Variants in TOX observed in about 807,000 individuals in gnomAD.
TOX encodes the protein thymocyte selection-associated high mobility group box protein TOX.
In TOX, 11 loss-of-function variants were observed where a neutral mutation model predicts 53.7. The observed-to-expected ratio is 0.20, with a 90% CI of 0.13 to 0.34. The LOEUF is 0.34. Ranked by LOEUF, TOX falls within the 10% of genes least tolerant of loss-of-function variation. The pLI, the probability that TOX is intolerant of heterozygous loss-of-function variation, is 1.00. For missense variants in TOX, 570 were observed against 664.6 expected (o/e 0.86, Z 1.56); for synonymous variants, 225 against 245.3 (o/e 0.92, Z 0.77).
chr8:58,918,783 C>G (rs1252848823), intron 3 of TOX, among the ~76,000 whole-genome samples: 1 of 109,584 alleles, frequency 9.1e-6, no homozygotes, highest in African/African-American at 3.7e-5. Flanking sequence ...TTGCAGACGA[C>G]ATGATTGTTT....
At chr8:58,813,889 T>C (rs531427326) in intron 7 of TOX, among the ~76,000 whole-genome samples, 2 of 152,312 alleles carry the variant, frequency 1.3e-5, no homozygotes, top group African/African-American at 4.8e-5. Context: ...GTTAAGAGTC[T>C]ACAAGAACGA....
At chr8:58,826,161 G>A (rs1810361459) in intron 6 of TOX, among the ~76,000 whole-genome samples, 1 of 152,168 alleles carries the variant, frequency 6.6e-6, no homozygotes, top group African/African-American at 2.4e-5. Flanking sequence ...CAGAGCCCCA[G>A]ACCACAGTGA....
chr8:59,003,930 A>G (rs1813742136), intron 1 of TOX, among the ~76,000 whole-genome samples: 1 of 152,224 alleles, frequency 6.6e-6, no homozygotes, highest in African/African-American at 2.4e-5. Context: ...GTAAAATACA[A>G]GACCAAAAAG....
At chr8:59,011,486 C>A (rs1813903463) in intron 1 of TOX, among the ~76,000 whole-genome samples, 1 of 152,214 alleles carries the variant, frequency 6.6e-6, no homozygotes, top group South Asian at 2.1e-4. Context: ...GCCTCCTGAA[C>A]ATGGCAGTCT....
intron 3 of TOX, among the ~76,000 whole-genome samples, chr8:58,894,017 G>T (rs1236933606): frequency 6.6e-6 from 1 of 152,154 alleles, no homozygotes; most frequent in African/African-American, 2.4e-5. Flanking sequence ...TATAAAAACC[G>T]TTTCCAAGTA....
At chr8:59,078,921 T>C (rs897714500) in intron 1 of TOX, among the ~76,000 whole-genome samples, 1 of 152,218 alleles carries the variant, frequency 6.6e-6, no homozygotes, top group African/African-American at 2.4e-5. Context: ...GGAACATAAT[T>C]GGGAACTACA....
chr8:59,079,989 T>C (rs1339797046), intron 1 of TOX, among the ~76,000 whole-genome samples: 3 of 150,994 alleles, frequency 2.0e-5, no homozygotes, highest in Admixed American at 2.0e-4. Flanking sequence ...TCTTTTCTTT[T>C]TTTTTTTTTT....
chr8:58,853,943 C>G (rs1159665895), intron 3 of TOX, among the ~76,000 whole-genome samples: 4 of 152,164 alleles, frequency 2.6e-5, no homozygotes, highest in Non-Finnish European at 5.9e-5. Flanking sequence ...TTCAGGCCTA[C>G]TGTCAAATGT....
chr8:59,107,725 C>A (rs761091193), intron 1 of TOX, among the ~76,000 whole-genome samples: 1 of 152,102 alleles, frequency 6.6e-6, no homozygotes, highest in Non-Finnish European at 1.5e-5. Flanking sequence ...GCCAACAGGC[C>A]TTTAGGGCAC....
intron 2 of TOX, among the ~76,000 whole-genome samples, chr8:58,943,628 AAAC>A (rs1812478473): frequency 1.3e-5 from 2 of 151,234 alleles, no homozygotes; most frequent in African/African-American, 2.4e-5. Context: ...AAAAAAAAAA[AAAC>A]AAACAAATTA....
chr8:58,897,092 T>C (rs1038576484), intron 3 of TOX, among the ~76,000 whole-genome samples: 4 of 152,188 alleles, frequency 2.6e-5, no homozygotes, highest in East Asian at 1.9e-4. Context: ...AGTATCACCA[T>C]TGACGGTTTG....
rs1809958659 is a variant in TOX, at chr8:58,805,492, T to C, written c.*2255A>G. ...TGTTTTTACTGTATTTGGTATTGAA[T>C]TTCAACACTCTCTACCCTGGTCGCA... is the stretch of plus-strand genomic sequence containing the variant. On this transcript the variant is annotated 3_prime_UTR_variant, in exon 9 of 9. Transcript: ENST00000361421. 1 of 152,594 alleles carries C rather than the reference T, an allele frequency of 6.6e-6. No homozygotes were observed. The allele number at this position is 152,594 out of a possible 1,614,324, so 9.5% of individuals were successfully genotyped here.
At chr8:58,952,246 T>C (rs184305814) in intron 2 of TOX, among the ~76,000 whole-genome samples, 377 of 152,310 alleles carry the variant, frequency 2.5e-3, no homozygotes, top group Non-Finnish European at 4.4e-3. Flanking sequence ...AATGACATAT[T>C]GAAAATTTAG....
At chr8:59,033,033 CA>C (rs34575165) in intron 1 of TOX, among the ~76,000 whole-genome samples, 215 of 104,638 alleles carry the variant, frequency 2.1e-3, no homozygotes, top group Admixed American at 2.3e-3. Flanking sequence ...AACTCCAACT[CA>C]AAAAAAAAAA....
chr8:59,030,978 TAGTC>T (rs1302965361), intron 1 of TOX, among the ~76,000 whole-genome samples: 3 of 152,216 alleles, frequency 2.0e-5, no homozygotes, highest in Non-Finnish European at 4.4e-5. Context: ...TATTAATTGT[TAGTC>T]AATCAATACA....
chr8:58,889,702 G>A (rs1224221902), intron 3 of TOX, among the ~76,000 whole-genome samples: 3 of 152,246 alleles, frequency 2.0e-5, no homozygotes, highest in Middle Eastern at 3.4e-3. Context: ...CTAGGAGGGA[G>A]CTTATCTAAT....
intron 1 of TOX, among the ~76,000 whole-genome samples, chr8:59,018,314 G>A (rs1031935633): frequency 1.3e-5 from 2 of 152,140 alleles, no homozygotes; most frequent in Non-Finnish European, 2.9e-5. Context: ...TGTGTCAGTG[G>A]GAACAGGGAA....
chr8:58,859,319 T>C (rs1810967383), intron 3 of TOX, among the ~76,000 whole-genome samples: 1 of 152,166 alleles, frequency 6.6e-6, no homozygotes, highest in East Asian at 1.9e-4. Flanking sequence ...AGGTTGGACA[T>C]TTTTATAAAA....
chr8:58,859,741 G>C (rs1810975738), intron 3 of TOX, among the ~76,000 whole-genome samples: 1 of 152,106 alleles, frequency 6.6e-6, no homozygotes, highest in African/African-American at 2.4e-5. Context: ...TTCCACGAAT[G>C]GGCCCCTTAT....
Sources: allele counts gnomAD v4.1 joint callset (sites outside exome capture counted in the v4.1 genomes callset), GRCh38; gene constraint gnomAD v4.1.1; transcripts MANE v1.5; gene names NCBI Gene and HGNC (gene_info 2026-07-23, HGNC 2026-07-21).